The following CST2 variants were observed in gnomAD, a reference collection of about 807,000 sequenced individuals.
CST2 encodes cystatin SA.
CST2 carries 26 observed loss-of-function variants against 13.4 expected under a neutral mutation model. That is an observed-to-expected ratio of 1.95 (90% CI 1.43 to 2.70). The LOEUF is 2.70. Ranked by LOEUF, CST2 falls within the 30% of genes most tolerant of loss-of-function variation. CST2 has a pLI of 0.00. For synonymous variants in CST2, 105 were observed against 71.1 expected (o/e 1.48, Z -2.40); for missense variants, 243 against 173.4 (o/e 1.40, Z -2.25).
chr20:23,824,627 G>T (rs751624006), intron 2 of CST2, among the ~76,000 whole-genome samples: 1 of 152,060 alleles, frequency 6.6e-6, no homozygotes, highest in Non-Finnish European at 1.5e-5. Context: ...GCAGGTCCAG[G>T]GCTTCCCAGC....
Position 23,823,940 on chromosome 20 carries a change from G to A in CST2, c.*80C>T. On this transcript the variant is annotated 3_prime_UTR_variant, in exon 3 of 3. Transcript: ENST00000304725. ...TGCATGGGGAGACCTCCCACAGGGT[G>A]GGGGCCACCAGTCCAGGGGTGGGAG... The A allele has an allele frequency of 3.0e-6, 4 of 1,349,234 alleles. No individual in the cohort carries two copies. Among genetic ancestry groups the A allele is most frequent in the Non-Finnish European group, 4.1e-6 (4 of 981,800 alleles). The allele number at this position is 1,349,234 out of a possible 1,614,324, so 83.6% of individuals were successfully genotyped here. A position where few individuals can be genotyped will look rare whatever the true frequency, so the allele number is the denominator to read the frequency against.
intron 1 of CST2, 75 bp downstream of exon 1, chr20:23,826,358 G>T: frequency 1.7e-6 from 2 of 1,150,040 alleles, no homozygotes; most frequent in Non-Finnish European, 2.6e-6. Flanking sequence ...GTGTTGATGT[G>T]CTGCGAATGC....
In CST2 at chr20:23,825,325, T is replaced by C. The variant is rs753506038; in HGVS notation, c.229-2A>G. The stretch of plus-strand genomic sequence containing the variant: ...GAAGTAATTCACCCCGCCCACGATC[T>C]ACACACATGAGAAAACAGGATGCAC... On this transcript the variant is annotated splice_acceptor_variant, in intron 1 of 2. Transcript: ENST00000304725. LOFTEE classifies it high-confidence loss of function. The C allele has an allele frequency of 9.9e-6, 16 of 1,614,116 alleles. No individual in the cohort carries two copies. The highest frequency in any genetic ancestry group is 1.7e-4 in the Middle Eastern group (1 of 6,060).
chr20:23,824,931 A>G (rs577658709), intron 2 of CST2, among the ~76,000 whole-genome samples: 3 of 152,128 alleles, frequency 2.0e-5, no homozygotes, highest in Non-Finnish European at 4.4e-5. Context: ...CCATGGATCT[A>G]TGTACAAACC....
In CST2 at chr20:23,826,471, AG is replaced by A. The variant is rs755804288; in HGVS notation, c.189del (p.Tyr64ThrfsTer18). 1 of 1,614,138 alleles carries A rather than the reference AG, an allele frequency of 6.2e-7. No homozygotes were observed. The highest frequency in any genetic ancestry group is 1.1e-5 in the South Asian group (1 of 91,078). On this transcript the variant is annotated frameshift_variant, in exon 1 of 3. Coordinates refer to ENST00000304725, the MANE Select transcript of CST2 (RefSeq NM_001322.3). LOFTEE classifies it high-confidence loss of function. ...CGTAGCACCCGCAGCAGGCGTCTGT[AG>A]TACTCATCTTCAGTGGCCTTGTTAT... is the stretch of plus-strand genomic sequence containing the variant. ...SEYNKATEDE[Y>X]YRRLLRVLRA...
Position 23,826,455 on chromosome 20 carries a change from C to A in CST2, c.206G>T (p.Arg69Leu), listed in dbSNP as rs762458988. The change falls in exon 1 of 3, where the codon CGG (arginine) becomes CTG (leucine). Residue 69 changes from arginine to leucine, a missense_variant. By Grantham distance (102) the Arg-to-Leu change is moderately radical. Transcript: ENST00000304725. ...CACCTGCTCCCTGGCTCGTAGCACC[C>A]GCAGCAGGCGTCTGTAGTACTCATC... is the stretch of plus-strand genomic sequence containing the variant. The part of the protein sequence containing the change: ...TEDEYYRRLL[R>L]VLRAREQIVG... 2.5e-6 allele frequency: 4 copies of A among 1,614,134 alleles called. No individual in the cohort carries two copies. Among genetic ancestry groups the A allele is most frequent in the Non-Finnish European group, 3.4e-6 (4 of 1,179,980 alleles).
chr20:23,824,185 G>T, intron 2 of CST2, 82 bp from the exon 3 acceptor site: 1 of 1,421,094 alleles, frequency 7.0e-7, no homozygotes, highest in Non-Finnish European at 9.9e-7. Flanking sequence ...GTCACAGCCT[G>T]AGTGAGGAGG....
chr20:23,826,704 G>C lies in CST2; in HGVS notation c.-44C>G, dbSNP rs1984855981. The C allele has an allele frequency of 1.3e-6, 2 of 1,523,916 alleles. No homozygotes were observed. Among genetic ancestry groups the C allele is most frequent in the Non-Finnish European group, 1.8e-6 (2 of 1,132,142 alleles). 94.4% of individuals were successfully genotyped at this position (1,523,916 alleles called of 1,614,324 possible). The stretch of plus-strand genomic sequence containing the variant: ...GCACAGAGCTGGAGCTGCAGGAGAG[G>C]AGGTTGAGAGCCTGAGGCGGGGATC... On this transcript the variant is annotated 5_prime_UTR_variant, in exon 1 of 3. Transcript: ENST00000304725.
chr20:23,823,995 C>G lies in CST2; in HGVS notation c.*25G>C, dbSNP rs1407042803. The G allele has an allele frequency of 6.2e-7, 1 of 1,612,390 alleles. No individual in the cohort carries two copies. Among genetic ancestry groups the G allele is most frequent in the African/African-American group, 1.3e-5 (1 of 74,870 alleles). On this transcript the variant is annotated 3_prime_UTR_variant, in exon 3 of 3. Coordinates refer to ENST00000304725, the MANE Select transcript of CST2 (RefSeq NM_001322.3). Reference sequence around the variant, plus strand: ...ACAAGGGGTGGGAGTAGGAGGTGGTCAGTGTGACTCCCTGGCACAGATCCC... The same window carrying G: ...ACAAGGGGTGGGAGTAGGAGGTGGTGAGTGTGACTCCCTGGCACAGATCCC...
intron 2 of CST2, among the ~76,000 whole-genome samples, chr20:23,824,371 T>G (rs1321454761): frequency 3.3e-5 from 5 of 152,092 alleles, no homozygotes; most frequent in African/African-American, 7.2e-5. Flanking sequence ...GATCAGCCTG[T>G]GCAAGACCTT....
rs530225284 is a variant in CST2, at chr20:23,824,694, ACCTGAGGCTGGGATTAGACAGAGCC to A, written c.342+491_342+515del. Among the ~76,000 whole-genome samples, 6 of 152,072 alleles carry A rather than the reference ACCTGAGGCTGGGATTAGACAGAGCC, an allele frequency of 3.9e-5. No individual in the cohort carries two copies. In the South Asian group the frequency reaches 1.2e-3, roughly 32 times the overall value. On this transcript the variant is annotated intron_variant, in intron 2 of 2. Coordinates refer to ENST00000304725, the MANE Select transcript of CST2 (RefSeq NM_001322.3). Reference sequence around the variant, plus strand: ...ATTGTGTCTGTGGCTGCATGCAGGTACCTGAGGCTGGGATTAGACAGAGCCCCTTCTCCCTGCCCAGCACACAGCC... The same window carrying A: ...ATTGTGTCTGTGGCTGCATGCAGGTACCTTCTCCCTGCCCAGCACACAGCC...
chr20:23,823,857 GT>G lies in CST2; in HGVS notation c.*162del, dbSNP rs1247634635. 2.9e-6 allele frequency: 2 copies of G among 679,866 alleles called. No homozygotes were observed. The highest frequency in any genetic ancestry group is 5.1e-6 in the Non-Finnish European group (2 of 392,734). 42.1% of individuals were successfully genotyped at this position (679,866 alleles called of 1,614,324 possible). A position where few individuals can be genotyped will look rare whatever the true frequency, so the allele number is the denominator to read the frequency against. On this transcript the variant is annotated 3_prime_UTR_variant, in exon 3 of 3. Transcript: ENST00000304725. ...AGCAAAAGGAAGGAGGGAGGGCAGA[GT>G]CCCCTGCTGAGCAACAAAGGCCTCC...
At chr20:23,824,832 C>T (rs2122133806) in intron 2 of CST2, among the ~76,000 whole-genome samples, 1 of 152,138 alleles carries the variant, frequency 6.6e-6, no homozygotes, top group Middle Eastern at 3.4e-3. Flanking sequence ...TGAAGGCTTC[C>T]TAGCAAATCA....
At chr20:23,824,453 G>T (rs1333425545) in intron 2 of CST2, among the ~76,000 whole-genome samples, 1 of 152,134 alleles carries the variant, frequency 6.6e-6, no homozygotes, top group Non-Finnish European at 1.5e-5. Context: ...CAGCACTCAG[G>T]CCAGCACTAA....
At position 23,826,381 on chromosome 20, in the gene CST2, G is replaced by A. The variant is rs60750926; in HGVS notation, c.228+52C>T. On this transcript the variant is annotated intron_variant, in intron 1 of 2. Coordinates refer to ENST00000304725, the MANE Select transcript of CST2 (RefSeq NM_001322.3). ...GTGCTGCGAATGCTCTTATGGATCGGGCAACAAACAAGGCTGGGACTCAGG... is the reference window on the plus strand; with the variant it reads ...GTGCTGCGAATGCTCTTATGGATCGAGCAACAAACAAGGCTGGGACTCAGG... 2.0e-3 allele frequency: 2,877 copies of A among 1,460,822 alleles called. 57 individuals carry two copies. In the African/African-American group the frequency reaches 0.035, roughly 18 times the overall value. 90.5% of individuals were successfully genotyped at this position (1,460,822 alleles called of 1,614,324 possible). A position where few individuals can be genotyped will look rare whatever the true frequency, so the allele number is the denominator to read the frequency against.
chr20:23,825,763 T>C (rs1017788556), intron 1 of CST2, among the ~76,000 whole-genome samples: 23 of 152,304 alleles, frequency 1.5e-4, no homozygotes, highest in Non-Finnish European at 2.9e-5. Flanking sequence ...AGGGTCCCAG[T>C]TGACAGCTGC....
Position 23,825,269 on chromosome 20 carries a change from T to C in CST2, c.283A>G (p.Thr95Ala), listed in dbSNP as rs1984794448. 3.1e-6 allele frequency: 5 copies of C among 1,613,898 alleles called. No individual in the cohort carries two copies. Among genetic ancestry groups the C allele is most frequent in the Non-Finnish European group, 4.2e-6 (5 of 1,179,998 alleles). Reference protein sequence around the residue: ...FDIEVGRTICTKSQPNLDTCA... With the variant: ...FDIEVGRTICAKSQPNLDTCA... ...GTGTCCAAGTTGGGCTGGGACTTGG[T>C]ACATATGGTTCGGCCCACCTCTATG... Residue 95 changes from threonine (T) to alanine (A), a missense_variant, in exon 2 of 3, where the codon ACC becomes GCC. Transcript: ENST00000304725.
At chr20:23,825,502 C>T (rs1041723488) in intron 1 of CST2, among the ~76,000 whole-genome samples, 179 bp from the exon 2 acceptor site, 2 of 152,216 alleles carry the variant, frequency 1.3e-5, no homozygotes, top group East Asian at 1.9e-4. Context: ...GGGCCTCATG[C>T]CCCCTCTTAA....
intron 2 of CST2, among the ~76,000 whole-genome samples, chr20:23,824,544 T>G (rs1346751254): frequency 6.6e-6 from 1 of 151,796 alleles, no homozygotes; most frequent in Non-Finnish European, 1.5e-5. Context: ...ACAAGGGGAG[T>G]GTGGCTCTCC....
Sources: gnomAD v4.1 joint callset for allele counts (sites outside exome capture counted in the v4.1 genomes callset) on GRCh38, gnomAD v4.1.1 for gene constraint, MANE v1.5 for transcripts, NCBI Gene and HGNC (gene_info 2026-07-23, HGNC 2026-07-21) for gene names.